HDGFL2: variants seen among roughly 807,000 people sequenced by gnomAD.
The protein encoded by HDGFL2 is HDGF like 2.
Under a neutral mutation model 77.1 loss-of-function variants are expected in HDGFL2, and 36 were observed. The observed-to-expected ratio is 0.47, with a 90% CI of 0.36 to 0.62. The LOEUF is 0.62. Among genes scored for constraint, HDGFL2 ranks in the 20% least tolerant of loss-of-function variants. The pLI, the probability that HDGFL2 is intolerant of heterozygous loss-of-function variation, is 0.00. For synonymous variants in HDGFL2, 463 were observed against 413.1 expected, an observed-to-expected ratio of 1.12 and a Z score of -1.46; for missense variants, 976 against 973.4, an observed-to-expected ratio of 1.00 and a Z score of -0.04.
At chr19:4,497,897 C>A in intron 10 of HDGFL2, 61 bp from the exon 11 acceptor site, 1 of 1,446,558 alleles carries the variant, frequency 6.9e-7, no homozygotes, top group South Asian at 1.2e-5. Flanking sequence ...CTTCAGGCGC[C>A]AGCCCCTCAG....
intron 3 of HDGFL2, among the ~76,000 whole-genome samples, chr19:4,477,068 G>A (rs1331508809): frequency 3.3e-5 from 5 of 152,168 alleles, no homozygotes; most frequent in Non-Finnish European, 7.3e-5. Context: ...TGCGAGTGGA[G>A]GATGCAGTCT....
At chr19:4,493,151 GGTGTGTGTTGTCT>G (rs1281668434) in intron 6 of HDGFL2, among the ~76,000 whole-genome samples, 1 of 135,066 alleles carries the variant, frequency 7.4e-6, no homozygotes, top group Non-Finnish European at 1.6e-5. Context: ...GTGTCTGTGT[GGTGTGTGTTGTCT>G]GTGTGTGGTG....
intron 10 of HDGFL2, chr19:4,497,035 T>C (rs1975722207): frequency 2.5e-6 from 1 of 394,664 alleles, no homozygotes. Flanking sequence ...CCACCACGCC[T>C]GGCTAATTTT....
At chr19:4,484,139 A>G (rs1319323300) in intron 3 of HDGFL2, among the ~76,000 whole-genome samples, 21 of 137,132 alleles carry the variant, frequency 1.5e-4, no homozygotes. Flanking sequence ...GCTGGAGTGC[A>G]GTGGTGTGAT....
At chr19:4,501,453 C>G in intron 15 of HDGFL2, 136 bp downstream of exon 15, 1 of 1,056,302 alleles carries the variant, frequency 9.5e-7, no homozygotes. Context: ...GGGCCTCCCA[C>G]CTTCACAGCT....
Position 4,479,091 on chromosome 19 carries a change from C to T in HDGFL2, c.288+3508C>T, listed in dbSNP as rs552496806. 3.9e-5 allele frequency among the ~76,000 whole-genome samples: 6 copies of T among 151,996 alleles called. No individual in the cohort carries two copies. The South Asian group carries it at 1.2e-3, about 32-fold the overall frequency. On this transcript the variant is annotated intron_variant, in intron 3 of 15. Transcript: ENST00000616600. ...CCTGTAACCTCAGCACTGTGGGAGG[C>T]CAAGGGGGCAGATCACTTCAGGTCA...
chr19:4,491,732 G>T (rs1445472281), intron 5 of HDGFL2, 32 bp from the exon 6 acceptor site: 2 of 1,613,404 alleles, frequency 1.2e-6, no homozygotes, highest in African/African-American at 2.7e-5. Flanking sequence ...GGCTGCCAGT[G>T]GGCCCCAGTT....
At chr19:4,473,803 C>G (rs1462092694) in intron 1 of HDGFL2, among the ~76,000 whole-genome samples, 25 of 151,808 alleles carry the variant, frequency 1.6e-4, no homozygotes, top group Non-Finnish European at 3.7e-4. Context: ...GGGATTGGTC[C>G]CCTGTGGGGA....
intron 3 of HDGFL2, among the ~76,000 whole-genome samples, chr19:4,478,209 TTG>T (rs1491032091): frequency 1.3e-5 from 2 of 151,356 alleles, no homozygotes; most frequent in Non-Finnish European, 3.0e-5. Context: ...TTTTTTTTTT[TTG>T]TTTTTTGTTT....
chr19:4,473,569 C>T (rs972083012), intron 1 of HDGFL2, among the ~76,000 whole-genome samples: 3 of 150,822 alleles, frequency 2.0e-5, no homozygotes, highest in Non-Finnish European at 4.4e-5. Flanking sequence ...TGGAGAAGCC[C>T]AGTTTTGAGG....
At chr19:4,501,569 C>T (rs1975885347) in intron 15 of HDGFL2, 25 of 488,294 alleles carry the variant, frequency 5.1e-5, no homozygotes, top group South Asian at 1.6e-4. Flanking sequence ...GGCTTCTTGC[C>T]GAGCCTCCAG....
At chr19:4,501,081 T>C (rs1353284359) in intron 14 of HDGFL2, 110 bp from the exon 15 acceptor site, 1 of 1,360,828 alleles carries the variant, frequency 7.3e-7, no homozygotes, top group Non-Finnish European at 1.0e-6. Context: ...GATGGGCATG[T>C]GTCACCCACG....
At chr19:4,492,894 TGGTGTGTGTGTG>T (rs1188321806) in intron 6 of HDGFL2, among the ~76,000 whole-genome samples, 1 of 134,772 alleles carries the variant, frequency 7.4e-6, no homozygotes, top group African/African-American at 2.9e-5. Flanking sequence ...GTGTTATCTG[TGGTGTGTGTGTG>T]GTGTCTGTGT....
In HDGFL2 at chr19:4,474,337, T is replaced by C. The variant is rs954150288; in HGVS notation, c.73-938T>C. 9.2e-5 allele frequency among the ~76,000 whole-genome samples: 14 copies of C among 152,216 alleles called. 1 individual carries two copies. The highest frequency in any genetic ancestry group is 3.4e-4 in the African/African-American group (14 of 41,522). ...GGGCGGGTCTTGGGAGAAGCGGGGCTGTGAGGCATGCCGGGCTGGTCCTCG... is the reference window on the plus strand; with the variant it reads ...GGGCGGGTCTTGGGAGAAGCGGGGCCGTGAGGCATGCCGGGCTGGTCCTCG... On this transcript the variant is annotated intron_variant, in intron 1 of 15. Transcript: ENST00000616600.
In HDGFL2 at chr19:4,494,318, G is replaced by A; in HGVS notation, c.1067G>A (p.Arg356Gln). 1.4e-6 allele frequency: 2 copies of A among 1,424,516 alleles called. No individual in the cohort carries two copies. The highest frequency in any genetic ancestry group is 2.9e-5 in the East Asian group (1 of 35,064). 88.2% of individuals were successfully genotyped at this position (1,424,516 alleles called of 1,614,324 possible). A position where few individuals can be genotyped will look rare whatever the true frequency, so the allele number is the denominator to read the frequency against. The change falls in exon 9 of 16, where the codon CGG becomes CAG. Residue 356 changes from arginine (R) to glutamine (Q), a missense_variant. Transcript: ENST00000616600. ...EKEEKERRRE[R>Q]ADRGEAERGS... ...GAGGAGAAGGAGCGGAGGCGCGAGC[G>A]GGCCGACCGCGGGGAGGCTGAGCGG...
chr19:4,488,257 C>T (rs773118260), intron 3 of HDGFL2, among the ~76,000 whole-genome samples: 1 of 152,236 alleles, frequency 6.6e-6, no homozygotes, highest in African/African-American at 2.4e-5. Context: ...AGGCGTGAGC[C>T]TCCGCGCCCG....
At chr19:4,501,510 A>G (rs1201198589) in intron 15 of HDGFL2, 193 bp downstream of exon 15, 20 of 589,296 alleles carry the variant, frequency 3.4e-5, no homozygotes, top group Non-Finnish European at 4.7e-5. Flanking sequence ...CCCTACAGAG[A>G]GGCAGCTCCA....
At chr19:4,490,129 C>A (rs1484327137) in intron 4 of HDGFL2, among the ~76,000 whole-genome samples, 2 of 152,182 alleles carry the variant, frequency 1.3e-5, no homozygotes, top group African/African-American at 4.8e-5. Flanking sequence ...GTTCTGTCGC[C>A]CAGGCTGGAG....
At chr19:4,491,987 C>T (rs897075366) in intron 6 of HDGFL2, 152 bp downstream of exon 6, 3 of 689,892 alleles carry the variant, frequency 4.3e-6, no homozygotes, top group South Asian at 1.8e-5. Context: ...CTGAGCGTGG[C>T]ACCTCGTTAT....
Sources: allele counts gnomAD v4.1 joint callset (sites outside exome capture counted in the v4.1 genomes callset), GRCh38; gene constraint gnomAD v4.1.1; transcripts MANE v1.5; gene names NCBI Gene and HGNC (gene_info 2026-07-23, HGNC 2026-07-21).